SLC17A8: variants seen among roughly 807,000 people sequenced by gnomAD.
The protein encoded by SLC17A8 is solute carrier family 17 member 8.
Under a neutral mutation model 58.0 loss-of-function variants are expected in SLC17A8, and 31 were observed. The observed-to-expected ratio is 0.53, with a 90% CI of 0.40 to 0.72. The LOEUF (loss-of-function observed/expected upper bound fraction) is 0.72. Ranked by LOEUF, SLC17A8 falls within the 30% of genes least tolerant of loss-of-function variation. The pLI is 0.00. For synonymous variants in SLC17A8, 228 were observed against 249.0 expected (o/e 0.92, Z 0.79); for missense variants, 655 against 727.8 (o/e 0.90, Z 1.15).
intron 9 of SLC17A8, among the ~76,000 whole-genome samples, chr12:100,410,992 A>G (rs1403378298): frequency 6.6e-6 from 1 of 152,236 alleles, no homozygotes; most frequent in Non-Finnish European, 1.5e-5. Context: ...TAAGAGGTGT[A>G]GTAACTTGTT....
chr12:100,383,756 T>C (rs1172575317), intron 2 of SLC17A8, among the ~76,000 whole-genome samples: 2 of 152,058 alleles, frequency 1.3e-5, no homozygotes, highest in Non-Finnish European at 1.5e-5. Flanking sequence ...CAGGCTTTAG[T>C]GAAGTGGTGT....
chr12:100,404,161 A>AACTGTGGAGGT lies in SLC17A8; in HGVS notation c.1186_1186+10dup. On this transcript the variant is annotated frameshift_variant, in exon 9 of 12. Coordinates refer to ENST00000323346, the MANE Select transcript of SLC17A8 (RefSeq NM_139319.3). LOFTEE classifies it high-confidence loss of function. Reference sequence around the variant, plus strand: ...CACAACTGCTGTCAGAAAAATCATGAACTGTGGAGGTACTGTGGATTTCAT... The same window carrying AACTGTGGAGGT: ...CACAACTGCTGTCAGAAAAATCATGAACTGTGGAGGTACTGTGGAGGTACTGTGGATTTCAT... 1 of 1,614,200 alleles carries AACTGTGGAGGT rather than the reference A, an allele frequency of 6.2e-7. No homozygotes were observed. The highest frequency in any genetic ancestry group is 1.1e-5 in the South Asian group (1 of 91,090).
intron 2 of SLC17A8, among the ~76,000 whole-genome samples, chr12:100,390,500 C>G (rs1168017762): frequency 6.6e-6 from 1 of 151,980 alleles, no homozygotes; most frequent in Non-Finnish European, 1.5e-5. Context: ...GTGCCCGCCA[C>G]CACGCCCGGC....
chr12:100,403,286 T>C (rs749689791), intron 8 of SLC17A8, among the ~76,000 whole-genome samples: 10 of 146,084 alleles, frequency 6.8e-5, no homozygotes, highest in Non-Finnish European at 1.3e-4. Flanking sequence ...CTGACCAACA[T>C]GGCAAAACCC....
At chr12:100,406,949 A>C (rs1471322484) in intron 9 of SLC17A8, among the ~76,000 whole-genome samples, 1 of 152,164 alleles carries the variant, frequency 6.6e-6, no homozygotes, top group Non-Finnish European at 1.5e-5. Context: ...GGCTTAGACA[A>C]ATGAGGTGGC....
chr12:100,383,946 C>T (rs966346768), intron 2 of SLC17A8, among the ~76,000 whole-genome samples: 2 of 152,180 alleles, frequency 1.3e-5, no homozygotes, highest in African/African-American at 4.8e-5. Flanking sequence ...CTCAAGGGAT[C>T]CTCCTGCCTT....
At chr12:100,408,578 T>C (rs1286991772) in intron 9 of SLC17A8, among the ~76,000 whole-genome samples, 1 of 152,218 alleles carries the variant, frequency 6.6e-6, no homozygotes, top group Non-Finnish European at 1.5e-5. Context: ...CTCTAGTATT[T>C]TAACTGTCAG....
At chr12:100,381,038 C>T (rs1396184137) in intron 2 of SLC17A8, 85 bp downstream of exon 2, 7 of 1,523,588 alleles carry the variant, frequency 4.6e-6, no homozygotes, top group Non-Finnish European at 6.4e-6. Flanking sequence ...GTGGCACGAT[C>T]TTGGCTTACT....
intron 10 of SLC17A8, among the ~76,000 whole-genome samples, chr12:100,417,613 C>T (rs1731342735): frequency 6.6e-6 from 1 of 152,096 alleles, no homozygotes; most frequent in South Asian, 2.1e-4. Context: ...CCCTTGGCTG[C>T]CTTTTAAGAG....
Position 100,418,150 on chromosome 12 carries a change from G to A in SLC17A8, c.1419G>A (p.Arg473=). The change falls in exon 11 of 12, where the codon AGG becomes AGA. Residue 473 remains arginine, a synonymous_variant. Transcript: ENST00000323346. Reference sequence around the variant, plus strand: ...CCCTCATTGTCGGTGCAATGACCAGGCACAAGGTAAAGGTCTCCTTTGTGG... The same window carrying A: ...CCCTCATTGTCGGTGCAATGACCAGACACAAGGTAAAGGTCTCCTTTGTGG... ...VCPLIVGAMT[R]HKTREEWQNV... 2 of 1,614,094 alleles carry A rather than the reference G, an allele frequency of 1.2e-6. No individual in the cohort carries two copies. Among genetic ancestry groups the A allele is most frequent in the Non-Finnish European group, 1.7e-6 (2 of 1,180,004 alleles).
chr12:100,382,134 C>T (rs1351318084), intron 2 of SLC17A8, among the ~76,000 whole-genome samples: 1 of 152,276 alleles, frequency 6.6e-6, no homozygotes, highest in African/African-American at 2.4e-5. Flanking sequence ...GGGTAGAGCA[C>T]GTTGAGGTGG....
chr12:100,358,909 A>G (rs1216719784), intron 1 of SLC17A8, among the ~76,000 whole-genome samples: 1 of 152,158 alleles, frequency 6.6e-6, no homozygotes, highest in Non-Finnish European at 1.5e-5. Flanking sequence ...TGGGAGGCGG[A>G]AGTGGGAGGA....
At chr12:100,363,279 C>T (rs1464960943) in intron 1 of SLC17A8, among the ~76,000 whole-genome samples, 2 of 152,146 alleles carry the variant, frequency 1.3e-5, no homozygotes, top group African/African-American at 2.4e-5. Context: ...GGAATGATGG[C>T]GAGTGGGGCC....
chr12:100,376,955 G>A (rs759057738), intron 1 of SLC17A8, among the ~76,000 whole-genome samples: 43 of 152,050 alleles, frequency 2.8e-4, no homozygotes, highest in Non-Finnish European at 5.0e-4. Context: ...GACTACAGGT[G>A]CTCGCCACCA....
intron 1 of SLC17A8, among the ~76,000 whole-genome samples, chr12:100,368,209 T>C (rs1399707003): frequency 6.6e-6 from 1 of 152,186 alleles, no homozygotes; most frequent in Admixed American, 6.5e-5. Context: ...GCCAAGCTCC[T>C]CCTGAAGGCT....
chr12:100,400,077 G>C (rs1357894031), intron 5 of SLC17A8, among the ~76,000 whole-genome samples: 1 of 152,148 alleles, frequency 6.6e-6, no homozygotes, highest in East Asian at 1.9e-4. Flanking sequence ...AGTATACTTA[G>C]CATGGTACTA....
At chr12:100,361,975 C>A (rs997698726) in intron 1 of SLC17A8, among the ~76,000 whole-genome samples, 31 of 150,200 alleles carry the variant, frequency 2.1e-4, no homozygotes, top group Non-Finnish European at 2.8e-4. Context: ...AAAAACAAAA[C>A]AAAAAAAAAC....
chr12:100,361,370 G>T (rs375978741), intron 1 of SLC17A8, among the ~76,000 whole-genome samples: 26 of 152,286 alleles, frequency 1.7e-4, no homozygotes, highest in African/African-American at 5.1e-4. Flanking sequence ...CTCCTGTCCC[G>T]GCTTTCGCCC....
At chr12:100,412,464 G>C (rs1017051842) in intron 9 of SLC17A8, among the ~76,000 whole-genome samples, 2 of 151,934 alleles carry the variant, frequency 1.3e-5, no homozygotes, top group Admixed American at 6.6e-5. Context: ...AATGCATGTG[G>C]GGCCCAAAAC....
Sources: gnomAD v4.1 joint callset for allele counts (sites outside exome capture counted in the v4.1 genomes callset) on GRCh38, gnomAD v4.1.1 for gene constraint, MANE v1.5 for transcripts, NCBI Gene and HGNC (gene_info 2026-07-23, HGNC 2026-07-21) for gene names.